Variants in TSPAN18 observed in about 807,000 individuals in gnomAD.
TSPAN18 encodes the protein tetraspanin-18.
In TSPAN18, 14 loss-of-function variants were observed where a neutral mutation model predicts 27.3. The ratio of observed to expected loss-of-function variants is 0.51; its 90% CI spans 0.34 to 0.80. TSPAN18 has a LOEUF of 0.80. Among genes scored for constraint, TSPAN18 ranks in the 30% least tolerant of loss-of-function variants. The probability of loss-of-function intolerance (pLI) is 0.01; values close to 1 mark genes in which losing one functional copy is unlikely to be tolerated. For missense variants in TSPAN18, 268 were observed against 323.9 expected, an observed-to-expected ratio of 0.83 and a Z score of 1.32; for synonymous variants, 143 against 136.5, an observed-to-expected ratio of 1.05 and a Z score of -0.33.
chr11:44,732,894 A>G (rs192224736), intron 1 of TSPAN18, among the ~76,000 whole-genome samples: 4 of 152,306 alleles, frequency 2.6e-5, no homozygotes, highest in Non-Finnish European at 4.4e-5. Flanking sequence ...TGATCACATT[A>G]CTTGTCTAAT....
intron 3 of TSPAN18, among the ~76,000 whole-genome samples, chr11:44,882,367 A>G (rs1858511535): frequency 6.6e-6 from 1 of 152,204 alleles, no homozygotes; most frequent in East Asian, 1.9e-4. Context: ...GGGTCTCCAC[A>G]GTCCTGAGGC....
intron 1 of TSPAN18, among the ~76,000 whole-genome samples, chr11:44,740,231 A>G (rs956343070): frequency 3.3e-5 from 5 of 152,064 alleles, no homozygotes; most frequent in Non-Finnish European, 5.9e-5. Flanking sequence ...AGGGTTTGGG[A>G]AAGAGCCCTT....
intron 1 of TSPAN18, among the ~76,000 whole-genome samples, chr11:44,738,356 T>TGGCTGGAGCCCCCCC (rs1211939553): frequency 2.0e-5 from 3 of 152,198 alleles, no homozygotes; most frequent in East Asian, 1.9e-4. Flanking sequence ...GGAGCCCACC[T>TGGCTGGAGCCCCCCC]GGCTGGAGCC....
chr11:44,849,237 A>G (rs1293263831), intron 2 of TSPAN18, among the ~76,000 whole-genome samples: 1 of 152,064 alleles, frequency 6.6e-6, no homozygotes, highest in Non-Finnish European at 1.5e-5. Flanking sequence ...GCCAGGAGGG[A>G]CTGTGTCTGT....
chr11:44,801,660 C>T (rs1054079833), intron 2 of TSPAN18, among the ~76,000 whole-genome samples: 1 of 152,234 alleles, frequency 6.6e-6, no homozygotes, highest in Admixed American at 6.5e-5. Flanking sequence ...TGAATCCCAG[C>T]TCCGTTTTCC....
chr11:44,765,247 G>A (rs995196967), intron 2 of TSPAN18, among the ~76,000 whole-genome samples: 14 of 152,108 alleles, frequency 9.2e-5, no homozygotes, highest in Non-Finnish European at 2.9e-5. Context: ...CAGCACTCAC[G>A]CCCTCCATTT....
Position 44,888,133 on chromosome 11 carries a change from C to T in TSPAN18, c.-10-18274C>T, listed in dbSNP as rs552610322. Among the ~76,000 whole-genome samples the T allele has an allele frequency of 3.8e-3, 584 of 152,240 alleles. 3 individuals carry two copies. Among genetic ancestry groups the T allele is most frequent in the African/African-American group, 0.014 (564 of 41,542 alleles). ...GAGTTTTCAGGGTCTTGACTCTAACCCAGGACTCGGGGCTGCCAACTCCTC... is the reference window on the plus strand; with the variant it reads ...GAGTTTTCAGGGTCTTGACTCTAACTCAGGACTCGGGGCTGCCAACTCCTC... On this transcript the variant is annotated intron_variant, in intron 3 of 9. Coordinates refer to ENST00000520358, the MANE Select transcript of TSPAN18 (RefSeq NM_130783.5).
At chr11:44,856,970 C>T (rs1468274102) in intron 2 of TSPAN18, among the ~76,000 whole-genome samples, 1 of 152,192 alleles carries the variant, frequency 6.6e-6, no homozygotes, top group Non-Finnish European at 1.5e-5. Context: ...ACTTGGTTTA[C>T]TGCTGCGTAA....
chr11:44,731,873 C>T (rs893329376), intron 1 of TSPAN18, among the ~76,000 whole-genome samples: 1 of 152,144 alleles, frequency 6.6e-6, no homozygotes, highest in Non-Finnish European at 1.5e-5. Context: ...CTGTCCTTTC[C>T]CTTCCACCCT....
At chr11:44,746,270 C>T (rs1855075093) in intron 1 of TSPAN18, among the ~76,000 whole-genome samples, 1 of 152,132 alleles carries the variant, frequency 6.6e-6, no homozygotes, top group African/African-American at 2.4e-5. Context: ...CTGGGACTCC[C>T]AGCCTCTGTC....
intron 1 of TSPAN18, among the ~76,000 whole-genome samples, chr11:44,751,394 C>A (rs561857283): frequency 2.0e-5 from 3 of 152,210 alleles, no homozygotes; most frequent in Admixed American, 2.0e-4. Flanking sequence ...CTGCATGAAT[C>A]TGTGATCTTT....
chr11:44,751,442 A>G (rs139708047), intron 1 of TSPAN18, among the ~76,000 whole-genome samples: 100 of 152,286 alleles, frequency 6.6e-4, no homozygotes, highest in African/African-American at 2.2e-3. Flanking sequence ...GGATAGTAAC[A>G]GTACCTTTCT....
intron 2 of TSPAN18, among the ~76,000 whole-genome samples, chr11:44,822,533 G>A (rs1055393648): frequency 9.2e-5 from 14 of 151,604 alleles, no homozygotes; most frequent in Non-Finnish European, 2.9e-5. Context: ...TAGTGGAAGT[G>A]ACTTGGGCGT....
At chr11:44,890,029 G>A (rs1294064861) in intron 3 of TSPAN18, among the ~76,000 whole-genome samples, 3 of 152,214 alleles carry the variant, frequency 2.0e-5, no homozygotes, top group African/African-American at 7.2e-5. Context: ...GTTCCATGGA[G>A]TTTAGGGTTT....
intron 2 of TSPAN18, among the ~76,000 whole-genome samples, chr11:44,808,366 A>AGATGAT (rs1554986235): frequency 0.012 from 1,776 of 152,300 alleles, 25 homozygotes; most frequent in African/African-American, 0.041. Context: ...GGACAGACCT[A>AGATGAT]GTACAGGAGG....
intron 2 of TSPAN18, among the ~76,000 whole-genome samples, chr11:44,817,390 G>A (rs1009831331): frequency 1.3e-5 from 2 of 152,246 alleles, no homozygotes; most frequent in Non-Finnish European, 2.9e-5. Flanking sequence ...GGGCTGGCCT[G>A]GCCCTAGGCT....
chr11:44,865,091 C>T (rs775491236), intron 3 of TSPAN18, among the ~76,000 whole-genome samples: 5 of 152,152 alleles, frequency 3.3e-5, no homozygotes, highest in South Asian at 2.1e-4. Flanking sequence ...TTTTGGCTCC[C>T]GTGGAATATA....
chr11:44,889,164 G>A (rs932001588), intron 3 of TSPAN18, among the ~76,000 whole-genome samples: 13 of 152,304 alleles, frequency 8.5e-5, no homozygotes, highest in South Asian at 6.2e-4. Flanking sequence ...GTGTGAGAAC[G>A]GATTAATACA....
At chr11:44,792,164 T>C (rs934313928) in intron 2 of TSPAN18, among the ~76,000 whole-genome samples, 18 of 152,230 alleles carry the variant, frequency 1.2e-4, no homozygotes, top group African/African-American at 4.1e-4. Flanking sequence ...TTGGCTCATA[T>C]ATTAATTATA....
Sources: allele counts gnomAD v4.1 joint callset (sites outside exome capture counted in the v4.1 genomes callset), GRCh38; gene constraint gnomAD v4.1.1; transcripts MANE v1.5; gene names NCBI Gene and HGNC (gene_info 2026-07-23, HGNC 2026-07-21).